UTRN: variants seen among roughly 807,000 people sequenced by gnomAD.
UTRN encodes utrophin.
In UTRN, 283 loss-of-function variants were observed where a neutral mutation model predicts 463.9. That is an observed-to-expected ratio of 0.61 (90% CI 0.55 to 0.67). The LOEUF (loss-of-function observed/expected upper bound fraction) is 0.67. Among genes scored for constraint, UTRN ranks in the 30% least tolerant of loss-of-function variants. The pLI is 0.00. For missense variants in UTRN, 3,922 were observed against 4,084.3 expected, an observed-to-expected ratio of 0.96 and a Z score of 1.08; for synonymous variants, 1,442 against 1,431.5, an observed-to-expected ratio of 1.01 and a Z score of -0.17.
chr6:144,712,158 A>T (rs13214975), intron 53 of UTRN, among the ~76,000 whole-genome samples: 9,646 of 152,252 alleles, frequency 0.063, 336 homozygotes, highest in African/African-American at 0.073. Flanking sequence ...AACCTTTGCC[A>T]GTCTGTGTTG....
intron 72 of UTRN, among the ~76,000 whole-genome samples, chr6:144,839,574 T>C (rs996528266): frequency 2.0e-4 from 30 of 152,240 alleles, no homozygotes; most frequent in African/African-American, 5.3e-4. Context: ...TATTTGCTTA[T>C]GAATGATTTT....
chr6:144,645,134 G>A (rs1290241682), intron 51 of UTRN, among the ~76,000 whole-genome samples: 1 of 152,180 alleles, frequency 6.6e-6, no homozygotes, highest in African/African-American at 2.4e-5. Flanking sequence ...GTTGTGGAGA[G>A]TTGGTCCCTC....
At chr6:144,650,909 A>AAAAAAT (rs1778754848) in intron 51 of UTRN, among the ~76,000 whole-genome samples, 1 of 147,680 alleles carries the variant, frequency 6.8e-6, no homozygotes, top group African/African-American at 2.5e-5. Flanking sequence ...ACTCTGTCTC[A>AAAAAAT]AATAATAATA....
At position 144,757,897 on chromosome 6, in the gene UTRN, A is replaced by C. The variant is rs17074128; in HGVS notation, c.8435-32A>C. 5.1e-5 allele frequency: 82 copies of C among 1,592,360 alleles called. No individual in the cohort carries two copies. In the East Asian group the frequency reaches 1.8e-3, roughly 36 times the overall value. On this transcript the variant is annotated intron_variant, in intron 57 of 74. Transcript: ENST00000367545. Reference sequence around the variant, plus strand: ...AAGGTGTAAGGCTTTTTGGTTTCCAACGTTTCCAATAATCTCCCTTTGTTT... The same window carrying C: ...AAGGTGTAAGGCTTTTTGGTTTCCACCGTTTCCAATAATCTCCCTTTGTTT...
At chr6:144,309,540 A>T (rs1288106327) in intron 2 of UTRN, among the ~76,000 whole-genome samples, 1 of 152,154 alleles carries the variant, frequency 6.6e-6, no homozygotes, top group Non-Finnish European at 1.5e-5. Context: ...AATGCAGCAG[A>T]TCCTGCTGGT....
At chr6:144,418,925 T>TA (rs1273039394) in intron 3 of UTRN, among the ~76,000 whole-genome samples, 1 of 152,190 alleles carries the variant, frequency 6.6e-6, no homozygotes, top group Non-Finnish European at 1.5e-5. Context: ...GCCCAGGTGT[T>TA]ATATTAGCTG....
At chr6:144,703,325 A>C (rs1257675568) in intron 53 of UTRN, among the ~76,000 whole-genome samples, 1 of 152,192 alleles carries the variant, frequency 6.6e-6, no homozygotes, top group Non-Finnish European at 1.5e-5. Flanking sequence ...TAGATGTTTA[A>C]GCTGTTGGAT....
intron 2 of UTRN, among the ~76,000 whole-genome samples, chr6:144,339,739 C>T (rs1777000554): frequency 1.3e-5 from 2 of 152,044 alleles, no homozygotes; most frequent in Non-Finnish European, 2.9e-5. Context: ...AAGTGCAAAT[C>T]GAGTAGAATT....
chr6:144,662,034 A>G (rs1332085773), intron 51 of UTRN, among the ~76,000 whole-genome samples: 2 of 150,724 alleles, frequency 1.3e-5, no homozygotes, highest in African/African-American at 4.9e-5. Flanking sequence ...TATTTTTGAG[A>G]CAAAAGGCGA....
chr6:144,421,598 A>G (rs1784835209), intron 3 of UTRN, among the ~76,000 whole-genome samples: 1 of 151,942 alleles, frequency 6.6e-6, no homozygotes, highest in African/African-American at 2.4e-5. Flanking sequence ...CTGAGGCAGG[A>G]GAATGGCGTG....
At position 144,703,020 on chromosome 6, in the gene UTRN, A is replaced by G. The variant is rs7770972; in HGVS notation, c.7809+2777A>G. Reference sequence around the variant, plus strand: ...ATAGGTAAATTATGAAGAGTAGAATATAGAGGAGTTCAGCACTATTTCAGT... The same window carrying G: ...ATAGGTAAATTATGAAGAGTAGAATGTAGAGGAGTTCAGCACTATTTCAGT... On this transcript the variant is annotated intron_variant, in intron 53 of 74. Transcript: ENST00000367545. Among the ~76,000 whole-genome samples the G allele has an allele frequency of 9.2e-3, 1,401 of 152,310 alleles. 18 individuals carry two copies. The highest frequency in any genetic ancestry group is 0.032 in the African/African-American group (1,341 of 41,560).
chr6:144,637,753 T>TA (rs1233824308), intron 51 of UTRN, among the ~76,000 whole-genome samples: 1 of 152,216 alleles, frequency 6.6e-6, no homozygotes, highest in Admixed American at 6.5e-5. Context: ...ATTTCTGCTT[T>TA]TCTGTTAGCT....
chr6:144,352,688 T>C (rs1411913205), intron 2 of UTRN, among the ~76,000 whole-genome samples: 2 of 152,214 alleles, frequency 1.3e-5, no homozygotes, highest in African/African-American at 4.8e-5. Flanking sequence ...TACTAGGCCT[T>C]ACGCTGCAAC....
At position 144,314,476 on chromosome 6, in the gene UTRN, A is replaced by G. The variant is rs73587002; in HGVS notation, c.79+22569A>G. Among the ~76,000 whole-genome samples the G allele has an allele frequency of 2.3e-3, 356 of 152,344 alleles. 4 individuals are homozygous for G. Among genetic ancestry groups the G allele is most frequent in the African/African-American group, 8.4e-3 (348 of 41,588 alleles). Reference sequence around the variant, plus strand: ...ATGTAGCTGAAAGTCTAGCACAAAAAGCTGCTCTTGGGTTGGCCAGCGAAC... The same window carrying G: ...ATGTAGCTGAAAGTCTAGCACAAAAGGCTGCTCTTGGGTTGGCCAGCGAAC... On this transcript the variant is annotated intron_variant, in intron 2 of 74. Transcript: ENST00000367545.
intron 23 of UTRN, among the ~76,000 whole-genome samples, chr6:144,464,227 T>C (rs1397488076): frequency 6.6e-6 from 1 of 152,040 alleles, no homozygotes; most frequent in Non-Finnish European, 1.5e-5. Flanking sequence ...CCTCACAGAT[T>C]AGTGTGGAAG....
chr6:144,784,553 A>G (rs1776139943), intron 61 of UTRN, among the ~76,000 whole-genome samples: 1 of 152,212 alleles, frequency 6.6e-6, no homozygotes, highest in Non-Finnish European at 1.5e-5. Flanking sequence ...ATCTCCAAAT[A>G]CAGTCCCATT....
chr6:144,842,922 A>G (rs1026605021), intron 73 of UTRN, among the ~76,000 whole-genome samples: 1 of 151,986 alleles, frequency 6.6e-6, no homozygotes. Context: ...CTCACATGCT[A>G]CCAGATTGTT....
At position 144,839,176 on chromosome 6, in the gene UTRN, G is replaced by A. The variant is rs1307494267; in HGVS notation, c.10069G>A (p.Glu3357Lys). 6.2e-7 allele frequency: 1 copy of A among 1,613,428 alleles called. No individual in the cohort carries two copies. Among genetic ancestry groups the A allele is most frequent in the East Asian group, 2.2e-5 (1 of 44,878 alleles). Reference protein sequence around the residue: ...HRLRQLLEQPESDSRINGVSP... With the variant: ...HRLRQLLEQPKSDSRINGVSP... ...TAACCTCTGAATGTGGTTCCAGCCTGAATCTGATTCCCGAATCAATGGTGT... is the reference window on the plus strand; with the variant it reads ...TAACCTCTGAATGTGGTTCCAGCCTAAATCTGATTCCCGAATCAATGGTGT... The change falls in exon 72 of 75, where the codon GAA (glutamate) becomes AAA (lysine). Residue 3357 changes from glutamate to lysine, a missense_variant. Physicochemically the swap from Glu to Lys is moderately conservative, Grantham distance 56. Around this residue, in one of 3 missense-constraint regions of UTRN, gnomAD observed 1,309 missense variants for 1,452.6 expected, o/e 0.90. Coordinates refer to ENST00000367545, the MANE Select transcript of UTRN (RefSeq NM_007124.3).
intron 2 of UTRN, among the ~76,000 whole-genome samples, chr6:144,335,166 C>T (rs1776625107): frequency 6.6e-6 from 1 of 152,190 alleles, no homozygotes; most frequent in African/African-American, 2.4e-5. Context: ...TGGACATTCT[C>T]TGGCAGAGAA....
Sources: allele counts gnomAD v4.1 joint callset (sites outside exome capture counted in the v4.1 genomes callset), GRCh38; gene constraint gnomAD v4.1.1; regional missense constraint gnomAD v4.1.1; transcripts MANE v1.5; gene names NCBI Gene and HGNC (gene_info 2026-07-23, HGNC 2026-07-21).